The following ZNF799 variants were observed in gnomAD, a reference collection of about 807,000 sequenced individuals.
The protein encoded by ZNF799 is zinc finger protein 14.
In ZNF799, 28 loss-of-function variants were observed where a neutral mutation model predicts 41.0. The observed-to-expected ratio is 0.68, with a 90% confidence interval of 0.51 to 0.94. The LOEUF (loss-of-function observed/expected upper bound fraction) is 0.94. Ranked by LOEUF, ZNF799 falls within the 40% of genes least tolerant of loss-of-function variation. The pLI is 0.00. For missense variants in ZNF799, 716 were observed against 764.3 expected (o/e 0.94, Z 0.74); for synonymous variants, 213 against 252.9 (o/e 0.84, Z 1.50).
intron 1 of ZNF799, 196 bp downstream of exon 1, chr19:12,400,872 G>C: frequency 2.2e-6 from 2 of 928,248 alleles, no homozygotes; most frequent in African/African-American, 1.7e-5. Context: ...CGCCGCGCAG[G>C]AACGGGACAG....
chr19:12,407,297 C>G, the ZNF799 span, among the ~76,000 whole-genome samples: 1 of 151,960 alleles, frequency 6.6e-6, no homozygotes. Context: ...AACTCCATCT[C>G]TATAAAAAAT....
chr19:12,397,541 G>A (rs1425689384), intron 1 of ZNF799, among the ~76,000 whole-genome samples: 1 of 148,142 alleles, frequency 6.8e-6, no homozygotes, highest in African/African-American at 2.5e-5. Flanking sequence ...CTCTAGCCTA[G>A]GTGATAGAGC....
intron 1 of ZNF799, chr19:12,398,258 CAAAA>C (rs59451897): frequency 5.3e-5 from 4 of 75,456 alleles, no homozygotes; most frequent in Non-Finnish European, 8.6e-5. Flanking sequence ...GACGCTGTCT[CAAAA>C]AAAAAAAAAA....
chr19:12,404,870 G>T (rs1970018794), upstream of ZNF799, among the ~76,000 whole-genome samples: 1 of 152,184 alleles, frequency 6.6e-6, no homozygotes, highest in Admixed American at 6.5e-5. Context: ...AACTTGATTG[G>T]ATTGAAGGAT....
rs761325835 is a variant in ZNF799 at position 12,390,722 on chromosome 19, G to A, written c.1676C>T (p.Pro559Leu). 1 of 1,613,304 alleles carries A rather than the reference G, an allele frequency of 6.2e-7. No homozygotes were observed. The highest frequency in any genetic ancestry group is 8.5e-7 in the Non-Finnish European group (1 of 1,179,802). The change falls in exon 4 of 4, where the codon CCC (proline) becomes CTC (leucine). Residue 559 changes from proline (P) to leucine (L), a missense_variant. Coordinates refer to ENST00000430385, the MANE Select transcript of ZNF799 (RefSeq NM_001080821.3). ...TTTACCACATTGTTGACACTCATAG[G>A]GTTTCTCTCTCATGTGAATTCTTTC... is the stretch of plus-strand genomic sequence containing the variant. ...RHERIHMREKPYECQQCGKAF... is the reference protein window; with the variant it reads ...RHERIHMREKLYECQQCGKAF...
upstream of ZNF799, among the ~76,000 whole-genome samples, chr19:12,401,508 TCCTC>T (rs1969985572): frequency 1.3e-5 from 2 of 150,968 alleles, no homozygotes; most frequent in African/African-American, 4.9e-5. Flanking sequence ...TCCTGCTTCT[TCCTC>T]CTGTACACTG....
chr19:12,401,569 C>CGAGAGAGAGAGAGAGAGAGAGA (rs142456121), upstream of ZNF799, among the ~76,000 whole-genome samples: 8 of 78,458 alleles, frequency 1.0e-4, no homozygotes, highest in African/African-American at 3.3e-4. Flanking sequence ...TTTTTTTTTC[C>CGAGAGAGAGAGAGAGAGAGAGA]GAGAGAGAGA....
chr19:12,399,903 G>A (rs1969951702), intron 1 of ZNF799, among the ~76,000 whole-genome samples: 1 of 152,136 alleles, frequency 6.6e-6, no homozygotes, highest in Non-Finnish European at 1.5e-5. Context: ...CTCTGCCTTA[G>A]CCTCCCAAGG....
Position 12,394,868 on chromosome 19 carries a change from G to C in ZNF799, c.4-1445C>G, listed in dbSNP as rs1031087928. On this transcript the variant is annotated intron_variant, in intron 1 of 3. Transcript: ENST00000430385. ...TGCAGCATTCCAAAAACAAATAAAG[G>C]ATTTTATTTGGCACCCCGTACTATT... The C allele has an allele frequency of 5.1e-6, 5 of 984,720 alleles. No homozygotes were observed. In the African/African-American group the frequency reaches 7.0e-5, roughly 14 times the overall value. 61.0% of individuals were successfully genotyped at this position (984,720 alleles called of 1,614,324 possible).
At chr19:12,401,889 T>C (rs1202668681), upstream of ZNF799, among the ~76,000 whole-genome samples, 1 of 152,128 alleles carries the variant, frequency 6.6e-6, no homozygotes, top group Non-Finnish European at 1.5e-5. Context: ...TATACTCTTT[T>C]TCAATGAAAT....
chr19:12,402,925 G>C (rs1348679826), upstream of ZNF799, among the ~76,000 whole-genome samples: 1 of 152,144 alleles, frequency 6.6e-6, no homozygotes, highest in Admixed American at 6.6e-5. Flanking sequence ...TCTGGTTTTG[G>C]TGTCAAAGTA....
the ZNF799 span, among the ~76,000 whole-genome samples, chr19:12,413,047 CAAAAAAAAAAAA>C: frequency 1.6e-5 from 1 of 62,888 alleles, no homozygotes; most frequent in African/African-American, 6.0e-5. Flanking sequence ...ACTCCGTCTC[CAAAAAAAAAAAA>C]AAAAAAAAAG....
Position 12,390,491 on chromosome 19 carries a change from A to T in ZNF799, c.1907T>A (p.Leu636Ter). The T allele has an allele frequency of 6.2e-7, 1 of 1,613,952 alleles. No individual in the cohort carries two copies. The highest frequency in any genetic ancestry group is 1.3e-5 in the African/African-American group (1 of 75,034). Residue 636 changes from leucine (L) to a stop codon, truncating the protein, a stop_gained, in exon 4 of 4, where the codon TTG (leucine) becomes TAG (stop). Coordinates refer to ENST00000430385, the MANE Select transcript of ZNF799 (RefSeq NM_001080821.3). LOFTEE classifies it high-confidence loss of function. ...CTAGTGAGTCTTTTTATGTCTATGC[A>T]AGGAACTGAGAGAAGCAAATGCTTT... ...CGKAFASLSS[L>*]HRHKKTH
intron 1 of ZNF799, among the ~76,000 whole-genome samples, chr19:12,396,571 C>A (rs1215120912): frequency 2.0e-5 from 3 of 152,214 alleles, no homozygotes; most frequent in African/African-American, 7.2e-5. Flanking sequence ...ATCGCTTGAA[C>A]CCAGGACGTG....
upstream of ZNF799, among the ~76,000 whole-genome samples, chr19:12,403,038 T>G (rs1970008990): frequency 6.6e-6 from 1 of 152,248 alleles, no homozygotes; most frequent in African/African-American, 2.4e-5. Context: ...TTAGTAGAAT[T>G]CAGCAGTGAA....
the ZNF799 span, among the ~76,000 whole-genome samples, chr19:12,406,728 G>A: frequency 6.6e-6 from 1 of 151,408 alleles, no homozygotes; most frequent in Admixed American, 6.6e-5. Flanking sequence ...ATGAAACCCC[G>A]TCTCTACTAA....
At chr19:12,400,878 G>A (rs928021309) in intron 1 of ZNF799, 190 bp downstream of exon 1, 11 of 1,015,570 alleles carry the variant, frequency 1.1e-5, no homozygotes, top group African/African-American at 6.4e-5. Context: ...GCAGGAACGG[G>A]ACAGGACGCC....
the ZNF799 span, among the ~76,000 whole-genome samples, chr19:12,415,075 G>T: frequency 3.9e-5 from 6 of 152,176 alleles, no homozygotes; most frequent in Non-Finnish European, 7.3e-5. Context: ...AGGCGCAGTG[G>T]CTCATGCCTG....
rs1262947755 is a variant in ZNF799, at chr19:12,391,695, A to G, written c.703T>C (p.Ser235Pro). Residue 235 changes from serine to proline, a missense_variant, in exon 4 of 4, where the codon TCT becomes CCT. Transcript: ENST00000430385. ...TGTCTTAGATAGGAACTGTAAAAAG[A>G]AAAGGCTTTAGAACACTGCTTACAT... ...YECKQCSKAF[S>P]FYSSYLRHER... 1.2e-6 allele frequency: 2 copies of G among 1,614,050 alleles called. No individual in the cohort carries two copies. Among genetic ancestry groups the G allele is most frequent in the South Asian group, 1.1e-5 (1 of 91,070 alleles).
Sources: allele counts gnomAD v4.1 joint callset (sites outside exome capture counted in the v4.1 genomes callset), GRCh38; gene constraint gnomAD v4.1.1; transcripts MANE v1.5; gene names NCBI Gene and HGNC (gene_info 2026-07-23, HGNC 2026-07-21).